The following ANKRD27 variants were observed in gnomAD, a reference collection of about 807,000 sequenced individuals.
The protein encoded by ANKRD27 is ankyrin repeat domain 27, also known as ankyrin repeat domain-containing protein 27.
Under a neutral mutation model 129.7 loss-of-function variants are expected in ANKRD27, and 112 were observed. The ratio of observed to expected loss-of-function variants is 0.86; its 90% CI spans 0.74 to 1.01. The LOEUF (loss-of-function observed/expected upper bound fraction) is 1.01. Ranked by LOEUF, ANKRD27 falls within the 50% of genes least tolerant of loss-of-function variation. The probability of loss-of-function intolerance (pLI) is 0.00; values close to 1 mark genes in which losing one functional copy is unlikely to be tolerated. For synonymous variants in ANKRD27, 516 were observed against 511.2 expected (o/e 1.01, Z -0.13); for missense variants, 1,258 against 1,300.5 (o/e 0.97, Z 0.50).
chr19:32,627,525 A>G (rs1223384753), intron 15 of ANKRD27, among the ~76,000 whole-genome samples: 3 of 151,698 alleles, frequency 2.0e-5, no homozygotes, highest in Non-Finnish European at 4.4e-5. Context: ...CAGCCTCCCA[A>G]GAAGCTGGGA....
rs372971056 is a variant in ANKRD27 at position 32,644,725 on chromosome 19, G to T, written c.371-246C>A. 9.8e-5 allele frequency among the ~76,000 whole-genome samples: 15 copies of T among 152,348 alleles called. No individual in the cohort carries two copies. The East Asian group carries it at 2.7e-3, about 27-fold the overall frequency. On this transcript the variant is annotated intron_variant, in intron 4 of 28. Coordinates refer to ENST00000306065, the MANE Select transcript of ANKRD27 (RefSeq NM_032139.3). The stretch of plus-strand genomic sequence containing the variant: ...AAGACCCCAATTCCTGACAATAAGA[G>T]CATCAGTGTGCATCCAGCACATTAT...
chr19:32,629,003 C>A (rs926214979), intron 13 of ANKRD27, among the ~76,000 whole-genome samples, 154 bp from the exon 14 acceptor site: 3 of 152,172 alleles, frequency 2.0e-5, no homozygotes, highest in African/African-American at 7.2e-5. Flanking sequence ...TCACTGCAAC[C>A]TCTGCCTCCC....
intron 15 of ANKRD27, 61 bp from the exon 16 acceptor site, chr19:32,626,888 C>T: frequency 8.5e-7 from 1 of 1,175,036 alleles, no homozygotes; most frequent in African/African-American, 1.6e-5. Context: ...CACACCTTAA[C>T]TGTAAAACCA....
At chr19:32,625,469 C>A (rs929611821) in intron 17 of ANKRD27, among the ~76,000 whole-genome samples, 2 of 147,400 alleles carry the variant, frequency 1.4e-5, no homozygotes, top group African/African-American at 5.0e-5. Flanking sequence ...GTCTCACTGT[C>A]ACCCAGGATG....
chr19:32,643,854 C>T (rs1397682665), intron 5 of ANKRD27: 1 of 566,048 alleles, frequency 1.8e-6, no homozygotes, highest in Non-Finnish European at 3.1e-6. Context: ...TGTTATACTT[C>T]CCCATGACTT....
chr19:32,642,780 T>C (rs1967225518), intron 9 of ANKRD27, among the ~76,000 whole-genome samples: 2 of 151,690 alleles, frequency 1.3e-5, no homozygotes, highest in South Asian at 2.1e-4. Flanking sequence ...CCTAAGTAGG[T>C]ATCTCTATGG....
At chr19:32,672,766 G>A (rs1967896599) in intron 1 of ANKRD27, 1 of 152,330 alleles carries the variant, frequency 6.6e-6, no homozygotes, top group Non-Finnish European at 1.5e-5. Flanking sequence ...CCGGACCACA[G>A]GGAGAAGAAC....
chr19:32,641,926 C>T, intron 10 of ANKRD27, 98 bp downstream of exon 10: 1 of 1,430,278 alleles, frequency 7.0e-7, no homozygotes, highest in African/African-American at 1.4e-5. Context: ...AGCCACTGCA[C>T]CCAGCCCCAT....
At chr19:32,656,107 GAAAA>G (rs1249722286) in intron 2 of ANKRD27, among the ~76,000 whole-genome samples, 1 of 107,906 alleles carries the variant, frequency 9.3e-6, no homozygotes, top group African/African-American at 3.7e-5. Context: ...AAGAAAGAAA[GAAAA>G]GAAAAGAAAA....
intron 2 of ANKRD27, among the ~76,000 whole-genome samples, chr19:32,651,994 C>G (rs780611185): frequency 1.3e-5 from 2 of 152,210 alleles, no homozygotes; most frequent in African/African-American, 4.8e-5. Flanking sequence ...CAGAAGCCAA[C>G]GCTGGGCTCC....
chr19:32,625,883 G>C lies in ANKRD27; in HGVS notation c.1620C>G (p.Gly540=). 1.3e-6 allele frequency: 2 copies of C among 1,599,742 alleles called. No individual in the cohort carries two copies. Among genetic ancestry groups the C allele is most frequent in the Non-Finnish European group, 8.5e-7 (1 of 1,174,718 alleles). ...NTPLHLACTY[G]HEDCVKALVY... is the part of the protein sequence containing the mutation. ...AGCAAGAGCCACTCACGTCCTCGTG[G>C]CCGTAGGTGCAGGCCAGGTGGAGTG... is the stretch of plus-strand genomic sequence containing the variant. Residue 540 remains glycine (G), a synonymous_variant, in exon 17 of 29, where the codon GGC becomes GGG. Transcript: ENST00000306065.
At chr19:32,603,474 C>G (rs924639491) in intron 25 of ANKRD27, among the ~76,000 whole-genome samples, 1 of 152,222 alleles carries the variant, frequency 6.6e-6, no homozygotes, top group Non-Finnish European at 1.5e-5. Context: ...CGCCGCTCTC[C>G]ACGCAAGCAT....
Position 32,617,492 on chromosome 19 carries a change from A to G in ANKRD27, c.2052+97T>C, listed in dbSNP as rs1971937506. ...AGTCCAGGAGTTCAAGGCTGCAGTGAGCCATGATCACGCCACTGCACTCCA... is the reference window on the plus strand; with the variant it reads ...AGTCCAGGAGTTCAAGGCTGCAGTGGGCCATGATCACGCCACTGCACTCCA... On this transcript the variant is annotated intron_variant, in intron 21 of 28. Coordinates refer to ENST00000306065, the MANE Select transcript of ANKRD27 (RefSeq NM_032139.3). 14 of 595,026 alleles carry G rather than the reference A, an allele frequency of 2.4e-5. No homozygotes were observed. In the South Asian group the frequency reaches 3.1e-4, roughly 13 times the overall value. 36.9% of individuals were successfully genotyped at this position (595,026 alleles called of 1,614,324 possible). A position where few individuals can be genotyped will look rare whatever the true frequency, so the allele number is the denominator to read the frequency against.
intron 26 of ANKRD27, among the ~76,000 whole-genome samples, chr19:32,601,559 C>G (rs1162855491): frequency 2.1e-5 from 3 of 143,772 alleles, no homozygotes; most frequent in African/African-American, 7.9e-5. Context: ...TGGCAGTGAG[C>G]TGAGATCACA....
rs1184844219 is a variant in ANKRD27 at position 32,649,719 on chromosome 19, A to T, written c.176T>A (p.Ile59Lys). 3 of 1,613,850 alleles carry T rather than the reference A, an allele frequency of 1.9e-6. No homozygotes were observed. The highest frequency in any genetic ancestry group is 2.2e-5 in the South Asian group (2 of 91,080). ...STCQFESYILIPVEEHFQTLN... is the reference protein window; with the variant it reads ...STCQFESYILKPVEEHFQTLN... ...GGTCTGAAAATGCTCTTCCACAGGT[A>T]TCAAAATGTAGGACTCAAACTGACA... Residue 59 changes from isoleucine (I) to lysine (K), a missense_variant, in exon 3 of 29, where the codon ATA (isoleucine) becomes AAA (lysine). Physicochemically the swap from Ile to Lys is moderately radical, Grantham distance 102. Transcript: ENST00000306065.
At chr19:32,623,356 C>A (rs371130840) in intron 17 of ANKRD27, among the ~76,000 whole-genome samples, 56 of 152,278 alleles carry the variant, frequency 3.7e-4, no homozygotes, top group African/African-American at 1.3e-3. Context: ...ATGCTGAACG[C>A]CCGAGTTTCT....
At chr19:32,608,893 G>T (rs1281313518) in intron 22 of ANKRD27, among the ~76,000 whole-genome samples, 1 of 152,096 alleles carries the variant, frequency 6.6e-6, no homozygotes, top group Non-Finnish European at 1.5e-5. Context: ...GGAGGCGAAG[G>T]TTGCAGTGAG....
intron 1 of ANKRD27, among the ~76,000 whole-genome samples, chr19:32,668,294 G>A (rs1967798712): frequency 2.0e-5 from 3 of 151,862 alleles, no homozygotes; most frequent in South Asian, 4.2e-4. Context: ...CCACAATTAC[G>A]GGTATGAGCC....
intron 22 of ANKRD27, among the ~76,000 whole-genome samples, chr19:32,608,690 GC>G (rs1263467933): frequency 6.6e-6 from 1 of 152,112 alleles, no homozygotes; most frequent in African/African-American, 2.4e-5. Flanking sequence ...AGTGGCTCAT[GC>G]CTGTAATCCC....
Sources: allele counts gnomAD v4.1 joint callset (sites outside exome capture counted in the v4.1 genomes callset), GRCh38; gene constraint gnomAD v4.1.1; transcripts MANE v1.5; gene names NCBI Gene and HGNC (gene_info 2026-07-23, HGNC 2026-07-21).